The following PKP4 variants were observed in gnomAD, a reference collection of about 807,000 sequenced individuals.
PKP4 encodes plakophilin 4.
In PKP4, 90 loss-of-function variants were observed where a neutral mutation model predicts 145.1. That is an observed-to-expected ratio of 0.62 (90% confidence interval 0.52 to 0.74). The LOEUF (loss-of-function observed/expected upper bound fraction) is 0.74, where lower values mean the gene tolerates loss of function less well. Ranked by LOEUF, PKP4 falls within the 30% of genes least tolerant of loss-of-function variation. PKP4 has a pLI of 0.00. For synonymous variants in PKP4, 563 were observed against 577.2 expected (o/e 0.98, Z 0.35); for missense variants, 1,340 against 1,482.7 (o/e 0.90, Z 1.58).
intron 1 of PKP4, among the ~76,000 whole-genome samples, chr2:158,522,407 G>C (rs985977652): frequency 6.6e-6 from 1 of 152,036 alleles, no homozygotes; most frequent in Admixed American, 6.6e-5. Flanking sequence ...CAGAAAAATT[G>C]CCTGTTAATC....
intron 19 of PKP4, 57 bp downstream of exon 19, chr2:158,674,057 C>G (rs1354702931): frequency 1.0e-6 from 1 of 955,764 alleles, no homozygotes. Flanking sequence ...AACATTGTTC[C>G]CCAGCCAGAG....
Position 158,533,190 on chromosome 2 carries a change from A to G in PKP4, c.6A>G (p.Pro2=), listed in dbSNP as rs767527060. The G allele has an allele frequency of 1.9e-6, 3 of 1,611,068 alleles. No individual in the cohort carries two copies. The highest frequency in any genetic ancestry group is 2.5e-6 in the Non-Finnish European group (3 of 1,178,978). Residue 2 remains proline, a synonymous_variant, in exon 2 of 22, where the codon CCA becomes CCG. Transcript: ENST00000389759. M[P]APEQASLVEE... ...CCTGCTTGATTGCAGGAGGAATGCC[A>G]GCTCCTGAGCAGGCCTCATTGGTGG...
At chr2:158,558,475 G>A (rs553131469) in intron 2 of PKP4, among the ~76,000 whole-genome samples, 1 of 152,246 alleles carries the variant, frequency 6.6e-6, no homozygotes, top group Admixed American at 6.5e-5. Context: ...CAAGGAGGAA[G>A]TCATCAGTGA....
chr2:158,651,402 G>A (rs2055349996), intron 11 of PKP4, among the ~76,000 whole-genome samples: 1 of 150,436 alleles, frequency 6.6e-6, no homozygotes, highest in Admixed American at 6.7e-5. Context: ...ATCCTGTCCT[G>A]TGAAATAGGC....
At chr2:158,522,978 C>G (rs2042548848) in intron 1 of PKP4, among the ~76,000 whole-genome samples, 1 of 152,260 alleles carries the variant, frequency 6.6e-6, no homozygotes, top group East Asian at 1.9e-4. Context: ...TCGGAGGGTC[C>G]TACGCCCACG....
chr2:158,625,819 T>A (rs1319956089), intron 7 of PKP4, among the ~76,000 whole-genome samples: 1 of 152,206 alleles, frequency 6.6e-6, no homozygotes, highest in Non-Finnish European at 1.5e-5. Context: ...AAAGGTGGTA[T>A]CAGAATATCT....
rs2052186237 is a variant in PKP4, at chr2:158,621,120, G to A, written c.411G>A (p.Glu137=). Residue 137 remains glutamate, a splice_region_variant and synonymous_variant, in exon 5 of 22, where the codon GAG becomes GAA. Transcript: ENST00000389759. The part of the protein sequence containing the change: ...SPEQTSLHES[E]GSLGNSRSST... ...AACAGACATCTCTCCATGAAAGTGA[G>A]GGTCTGTTGTGTTATCTTTTAAGTA... 6.2e-7 allele frequency: 1 copy of A among 1,614,124 alleles called. No individual in the cohort carries two copies. Among genetic ancestry groups the A allele is most frequent in the East Asian group, 2.2e-5 (1 of 44,880 alleles).
chr2:158,577,323 T>C lies in PKP4; in HGVS notation c.185T>C (p.Val62Ala), dbSNP rs560949341. 14 of 1,613,734 alleles carry C rather than the reference T, an allele frequency of 8.7e-6. No homozygotes were observed. The highest frequency in any genetic ancestry group is 1.2e-5 in the Non-Finnish European group (14 of 1,179,870). Residue 62 changes from valine to alanine, a missense_variant, in exon 3 of 22, where the codon GTT (valine) becomes GCT (alanine). By Grantham distance (64) the Val-to-Ala change is moderately conservative (BLOSUM62 0). Coordinates refer to ENST00000389759, the MANE Select transcript of PKP4 (RefSeq NM_003628.6). ...GAACTGGAAGTGGAAAGGCAGATTG[T>C]TGCCAGTCAGCTAGAAAGATGTAGG... ...TRELEVERQIVASQLERCRLG... is the reference protein window; with the variant it reads ...TRELEVERQIAASQLERCRLG...
intron 1 of PKP4, among the ~76,000 whole-genome samples, chr2:158,507,160 C>T (rs2041058694): frequency 6.6e-6 from 1 of 152,132 alleles, no homozygotes; most frequent in Non-Finnish European, 1.5e-5. Context: ...CTCTCTCTTG[C>T]TCCATATATT....
At chr2:158,478,999 TC>T (rs1692930364) in intron 1 of PKP4, among the ~76,000 whole-genome samples, 1 of 152,196 alleles carries the variant, frequency 6.6e-6, no homozygotes, top group African/African-American at 2.4e-5. Context: ...AATTAGTAAA[TC>T]CCACCCACTA....
chr2:158,596,097 C>T (rs1010227788), intron 3 of PKP4, among the ~76,000 whole-genome samples: 4 of 149,786 alleles, frequency 2.7e-5, no homozygotes, highest in African/African-American at 4.9e-5. Flanking sequence ...GAACTTCTCA[C>T]AATAGATTTG....
At chr2:158,509,295 AAG>A (rs1230048990) in intron 1 of PKP4, among the ~76,000 whole-genome samples, 1 of 152,232 alleles carries the variant, frequency 6.6e-6, no homozygotes, top group African/African-American at 2.4e-5. Flanking sequence ...ACAATATTTT[AAG>A]AGATATAAAC....
At chr2:158,643,430 G>T (rs897945932) in intron 11 of PKP4, among the ~76,000 whole-genome samples, 1 of 152,142 alleles carries the variant, frequency 6.6e-6, no homozygotes, top group African/African-American at 2.4e-5. Context: ...CCTCGTGAGG[G>T]CCAAGTGTGG....
At chr2:158,497,167 A>G (rs1015361509) in intron 1 of PKP4, among the ~76,000 whole-genome samples, 5 of 152,226 alleles carry the variant, frequency 3.3e-5, no homozygotes, top group African/African-American at 9.6e-5. Flanking sequence ...GAAAAGATCC[A>G]CAGGGCCAGG....
intron 7 of PKP4, among the ~76,000 whole-genome samples, chr2:158,629,121 G>A (rs2053103659): frequency 6.6e-6 from 1 of 152,204 alleles, no homozygotes; most frequent in Admixed American, 6.5e-5. Flanking sequence ...AAATTGGCCA[G>A]TGCCTAAAAA....
intron 2 of PKP4, among the ~76,000 whole-genome samples, chr2:158,570,488 A>G (rs2047328860): frequency 6.6e-6 from 1 of 152,264 alleles, no homozygotes. Flanking sequence ...CTCTCAGTAT[A>G]CTAAGGCAGA....
At position 158,621,331 on chromosome 2, in the gene PKP4, G is replaced by GACAGCAGACA; in HGVS notation, c.513_514insACAGCAGACA (p.Ala172ThrfsTer17). 1 of 1,614,140 alleles carries GACAGCAGACA rather than the reference G, an allele frequency of 6.2e-7. No individual in the cohort carries two copies. Among genetic ancestry groups the GACAGCAGACA allele is most frequent in the Non-Finnish European group, 8.5e-7 (1 of 1,180,004 alleles). On this transcript the variant is annotated frameshift_variant, in exon 6 of 22. Transcript: ENST00000389759. LOFTEE classifies it high-confidence loss of function. ...TCCACAACAGCCAGAACGTGAGCAA[G>GACAGCAGACA]GCAGACAACAGACAGCAGCATTCAT...
At chr2:158,469,892 A>G (rs1447295479) in intron 1 of PKP4, among the ~76,000 whole-genome samples, 1 of 152,084 alleles carries the variant, frequency 6.6e-6, no homozygotes, top group Non-Finnish European at 1.5e-5. Context: ...ATTACCTGTT[A>G]TGTCCTTCTC....
intron 3 of PKP4, among the ~76,000 whole-genome samples, chr2:158,601,242 A>T (rs2050200757): frequency 1.3e-5 from 2 of 152,212 alleles, no homozygotes; most frequent in African/African-American, 2.4e-5. Flanking sequence ...CTTGTATTTC[A>T]TTAAAGTTGA....
Sources: gnomAD v4.1 joint callset for allele counts (sites outside exome capture counted in the v4.1 genomes callset) on GRCh38, gnomAD v4.1.1 for gene constraint, MANE v1.5 for transcripts, NCBI Gene and HGNC (gene_info 2026-07-23, HGNC 2026-07-21) for gene names.